Variants in GRID2 observed in about 807,000 individuals in gnomAD.
The protein encoded by GRID2 is glutamate ionotropic receptor delta type subunit 2.
A neutral mutation model predicts 114.8 loss-of-function variants in GRID2; 33 were observed. The ratio of observed to expected loss-of-function variants is 0.29; its 90% CI spans 0.22 to 0.38. The LOEUF (loss-of-function observed/expected upper bound fraction) is 0.38. Among genes scored for constraint, GRID2 ranks in the 10% least tolerant of loss-of-function variants. The pLI is 1.00. For missense variants in GRID2, 1,184 were observed against 1,257.7 expected (o/e 0.94, Z 0.89); for synonymous variants, 505 against 449.9 (o/e 1.12, Z -1.55).
At chr4:92,701,429 G>A (rs1017647625) in intron 2 of GRID2, among the ~76,000 whole-genome samples, 1 of 152,008 alleles carries the variant, frequency 6.6e-6, no homozygotes, top group African/African-American at 2.4e-5. Context: ...ATGAGACAAA[G>A]TACTCATAGT....
chr4:93,357,043 A>AT (rs916966297), intron 8 of GRID2, among the ~76,000 whole-genome samples: 17 of 151,524 alleles, frequency 1.1e-4, no homozygotes, highest in Middle Eastern at 7.4e-3. Flanking sequence ...CCTGTTTTCA[A>AT]TTTTTTTTAT....
chr4:93,172,459 G>A (rs759862825), intron 4 of GRID2, among the ~76,000 whole-genome samples: 4 of 151,948 alleles, frequency 2.6e-5, no homozygotes, highest in Non-Finnish European at 4.4e-5. Context: ...AAGCATGGTG[G>A]CACGTGCCTT....
At chr4:92,902,121 C>T (rs1484686740) in intron 2 of GRID2, among the ~76,000 whole-genome samples, 1 of 152,120 alleles carries the variant, frequency 6.6e-6, no homozygotes, top group Admixed American at 6.6e-5. Context: ...TACATTTGCA[C>T]TAACCTAATA....
At chr4:93,547,373 G>T (rs1273656300) in intron 13 of GRID2, among the ~76,000 whole-genome samples, 1 of 152,036 alleles carries the variant, frequency 6.6e-6, no homozygotes, top group African/African-American at 2.4e-5. Context: ...TTTTAACTTG[G>T]CACTACATTT....
intron 13 of GRID2, among the ~76,000 whole-genome samples, chr4:93,594,540 T>C (rs890747036): frequency 4.0e-4 from 61 of 152,266 alleles, no homozygotes; most frequent in South Asian, 1.0e-3. Flanking sequence ...AGGTGGAGCC[T>C]ACAGAGGCAG....
intron 1 of GRID2, among the ~76,000 whole-genome samples, chr4:92,469,139 T>C (rs989836639): frequency 6.6e-6 from 1 of 152,192 alleles, no homozygotes; most frequent in Non-Finnish European, 1.5e-5. Context: ...CCAAAAATCT[T>C]TGGCTATTAT....
rs1259292919 is a variant in GRID2, at chr4:92,349,285, TA to T, written c.88+44545del. On this transcript the variant is annotated intron_variant, in intron 1 of 15. Transcript: ENST00000282020. Reference sequence around the variant, plus strand: ...CTAAGCAGAATGGACTAAAAATGACTAAAAGTTTGTCTAACTCTATACTATC... The same window carrying T: ...CTAAGCAGAATGGACTAAAAATGACTAAAGTTTGTCTAACTCTATACTATC... 5.9e-5 allele frequency among the ~76,000 whole-genome samples: 9 copies of T among 151,960 alleles called. No individual in the cohort carries two copies. The East Asian group carries it at 1.7e-3, about 29-fold the overall frequency.
intron 14 of GRID2, among the ~76,000 whole-genome samples, chr4:93,647,406 C>T (rs376429329): frequency 1.2e-4 from 18 of 152,178 alleles, no homozygotes; most frequent in South Asian, 1.0e-3. Context: ...TCTCAAGAAC[C>T]GAAGTTCTTT....
chr4:93,588,985 T>A (rs562382450), intron 13 of GRID2, among the ~76,000 whole-genome samples: 51 of 152,176 alleles, frequency 3.4e-4, no homozygotes, highest in Middle Eastern at 6.8e-3. Flanking sequence ...AAGTCCTAGC[T>A]TTTCAGCGTA....
intron 1 of GRID2, among the ~76,000 whole-genome samples, chr4:92,408,413 A>G (rs1368972264): frequency 2.6e-5 from 1 of 38,636 alleles, no homozygotes; most frequent in East Asian, 9.7e-4. Context: ...GCTTACAATT[A>G]TATTGCCTAT....
rs1242938342 is a variant in GRID2, at chr4:93,643,987, C to T, written c.2360+17552C>T. 1.2e-4 allele frequency among the ~76,000 whole-genome samples: 12 copies of T among 98,194 alleles called. 1 individual carries two copies. Among genetic ancestry groups the T allele is most frequent in the South Asian group, 1.0e-3 (3 of 2,982 alleles). The allele number at this position is 98,194 out of a possible 152,430, so 64.4% of individuals were successfully genotyped here. ...GAGATTCCGTGGGCGTAGGACCCTC[C>T]GAGCCAGGTGTGGGATATAGTCTCG... On this transcript the variant is annotated intron_variant, in intron 14 of 15. Coordinates refer to ENST00000282020, the MANE Select transcript of GRID2 (RefSeq NM_001510.4).
chr4:93,612,266 AC>A (rs1173708409), intron 13 of GRID2, among the ~76,000 whole-genome samples: 1 of 149,636 alleles, frequency 6.7e-6, no homozygotes. Flanking sequence ...TCTTTATCCA[AC>A]TTGCCAGTCT....
chr4:93,200,461 G>A (rs1406737987), intron 4 of GRID2, among the ~76,000 whole-genome samples: 1 of 152,076 alleles, frequency 6.6e-6, no homozygotes, highest in African/African-American at 2.4e-5. Flanking sequence ...AGCTACTCGG[G>A]AGGCTGAGGC....
chr4:92,762,593 A>G (rs1031339014), intron 2 of GRID2, among the ~76,000 whole-genome samples: 10 of 152,204 alleles, frequency 6.6e-5, no homozygotes, highest in African/African-American at 9.6e-5. Flanking sequence ...GAAATATGAT[A>G]CCATAAACCC....
At chr4:93,725,701 T>A (rs1443316740) in intron 14 of GRID2, among the ~76,000 whole-genome samples, 3 of 151,526 alleles carry the variant, frequency 2.0e-5, no homozygotes, top group Admixed American at 6.5e-5. Context: ...GGTATCTCAT[T>A]GTGGTTTTGA....
At chr4:93,260,042 T>C (rs936049608) in intron 8 of GRID2, among the ~76,000 whole-genome samples, 3 of 151,744 alleles carry the variant, frequency 2.0e-5, no homozygotes, top group Non-Finnish European at 4.4e-5. Flanking sequence ...AGGAGGTATG[T>C]ACAAAAACTG....
chr4:92,430,182 A>C (rs1309272471), intron 1 of GRID2, among the ~76,000 whole-genome samples: 1 of 151,994 alleles, frequency 6.6e-6, no homozygotes, highest in African/African-American at 2.4e-5. Context: ...TTTTGCACAG[A>C]CCAATGTCGT....
intron 2 of GRID2, among the ~76,000 whole-genome samples, chr4:92,643,905 G>A (rs201747851): frequency 1.3e-5 from 2 of 151,740 alleles, no homozygotes; most frequent in East Asian, 3.9e-4. Flanking sequence ...CAATTGCAAA[G>A]TGTAATTTTC....
chr4:92,949,200 T>G (rs1223201857), intron 2 of GRID2, among the ~76,000 whole-genome samples: 1 of 151,612 alleles, frequency 6.6e-6, no homozygotes, highest in Non-Finnish European at 1.5e-5. Flanking sequence ...ATTTAACGAG[T>G]AGCTTCTAAA....
Sources: allele counts gnomAD v4.1 joint callset (sites outside exome capture counted in the v4.1 genomes callset), GRCh38; gene constraint gnomAD v4.1.1; transcripts MANE v1.5; gene names NCBI Gene and HGNC (gene_info 2026-07-23, HGNC 2026-07-21).